CHCHD3: variants seen among roughly 807,000 people sequenced by gnomAD.
The protein encoded by CHCHD3 is coiled-coil-helix-coiled-coil-helix domain containing 3.
Under a neutral mutation model 38.2 loss-of-function variants are expected in CHCHD3, and 20 were observed. The ratio of observed to expected loss-of-function variants is 0.52; its 90% confidence interval spans 0.37 to 0.76. The LOEUF is 0.76. CHCHD3 is among the 30% of genes least tolerant of loss of function. The pLI is 0.00. For synonymous variants in CHCHD3, 82 were observed against 100.0 expected (o/e 0.82, Z 1.07); for missense variants, 245 against 279.2 (o/e 0.88, Z 0.87).
chr7:133,003,575 G>A lies in CHCHD3; in HGVS notation c.251+20971C>T, dbSNP rs151052253. Among the ~76,000 whole-genome samples the A allele has an allele frequency of 8.7e-3, 1,326 of 152,268 alleles. 19 individuals carry two copies. The highest frequency in any genetic ancestry group is 0.03 in the African/African-American group (1,258 of 41,550). On this transcript the variant is annotated intron_variant, in intron 3 of 7. Transcript: ENST00000262570. ...GTCCATCATATGTGACAGTGGAAAA[G>A]CACCATTTGGCTGTAAATACCAATT...
chr7:133,061,146 G>A (rs1814497942), intron 2 of CHCHD3, among the ~76,000 whole-genome samples: 1 of 152,084 alleles, frequency 6.6e-6, no homozygotes, highest in Middle Eastern at 3.2e-3. Context: ...GGAAGGCCGG[G>A]GTGGGGTGGA....
chr7:132,991,542 T>C (rs748745096), intron 3 of CHCHD3, among the ~76,000 whole-genome samples: 8 of 152,304 alleles, frequency 5.3e-5, no homozygotes, highest in Non-Finnish European at 1.0e-4. Context: ...TTCCTGGTTG[T>C]ATCAAGTTAC....
chr7:132,799,749 C>T (rs1405695959), intron 6 of CHCHD3, among the ~76,000 whole-genome samples: 1 of 152,110 alleles, frequency 6.6e-6, no homozygotes, highest in Non-Finnish European at 1.5e-5. Context: ...GAAAAAAAAT[C>T]CAGTTTTGTG....
chr7:133,047,062 C>G (rs1054888814), intron 2 of CHCHD3, among the ~76,000 whole-genome samples: 2 of 152,134 alleles, frequency 1.3e-5, no homozygotes, highest in Non-Finnish European at 2.9e-5. Flanking sequence ...TTTCTTCGTT[C>G]ACAAATGCTT....
intron 6 of CHCHD3, among the ~76,000 whole-genome samples, chr7:132,829,981 A>T (rs985622586): frequency 2.6e-5 from 4 of 152,136 alleles, no homozygotes; most frequent in Non-Finnish European, 4.4e-5. Flanking sequence ...TGGAGTAGAG[A>T]GATAATGCAG....
chr7:132,925,793 C>T (rs1015580639), intron 4 of CHCHD3, among the ~76,000 whole-genome samples: 18 of 152,142 alleles, frequency 1.2e-4, no homozygotes, highest in African/African-American at 4.1e-4. Flanking sequence ...AAACACAGAG[C>T]AACAACAAAC....
chr7:132,922,723 A>T (rs1417248672), intron 4 of CHCHD3, among the ~76,000 whole-genome samples: 1 of 152,146 alleles, frequency 6.6e-6, no homozygotes, highest in Non-Finnish European at 1.5e-5. Flanking sequence ...ATTTTTATAT[A>T]GTTTTATTCA....
chr7:132,974,800 G>A (rs6961513), intron 4 of CHCHD3, among the ~76,000 whole-genome samples: 2,295 of 152,028 alleles, frequency 0.015, 56 homozygotes, highest in African/African-American at 0.052. Context: ...CTTGAACCCC[G>A]GAGGCGGAGG....
At chr7:133,027,747 C>T (rs1038348603) in intron 2 of CHCHD3, among the ~76,000 whole-genome samples, 1 of 151,944 alleles carries the variant, frequency 6.6e-6, no homozygotes, top group Non-Finnish European at 1.5e-5. Flanking sequence ...CTTAGGAAAC[C>T]CCTAGAACAG....
intron 3 of CHCHD3, among the ~76,000 whole-genome samples, chr7:132,994,139 C>T (rs954684768): frequency 6.6e-6 from 1 of 152,138 alleles, no homozygotes; most frequent in African/African-American, 2.4e-5. Context: ...TCTAAAAAGA[C>T]ACCTTGAGGT....
intron 2 of CHCHD3, among the ~76,000 whole-genome samples, chr7:133,046,855 A>G (rs10238562): frequency 0.46 from 70,455 of 151,950 alleles, 17,242 homozygotes; most frequent in African/African-American, 0.62. Context: ...GAGCCACCGC[A>G]CCCGGCCATA....
At chr7:132,810,045 T>C (rs1334769167) in intron 6 of CHCHD3, among the ~76,000 whole-genome samples, 2 of 152,200 alleles carry the variant, frequency 1.3e-5, no homozygotes, top group Non-Finnish European at 2.9e-5. Flanking sequence ...GAAATGGATA[T>C]GTTTAAGGTA....
chr7:132,928,559 T>C (rs770176882), intron 4 of CHCHD3, among the ~76,000 whole-genome samples: 1 of 152,044 alleles, frequency 6.6e-6, no homozygotes, highest in Non-Finnish European at 1.5e-5. Context: ...TAGCCAGGCA[T>C]GGTGGTGCAT....
intron 7 of CHCHD3, among the ~76,000 whole-genome samples, chr7:132,793,093 T>C (rs1169245903): frequency 6.6e-6 from 1 of 152,186 alleles, no homozygotes; most frequent in East Asian, 1.9e-4. Flanking sequence ...TACTATTGGC[T>C]TCTCATTCCC....
At chr7:133,009,363 CAAAAAAAAAAA>C (rs71178076) in intron 3 of CHCHD3, among the ~76,000 whole-genome samples, 7 of 67,406 alleles carry the variant, frequency 1.0e-4, no homozygotes, top group Admixed American at 9.1e-4. Flanking sequence ...GACTCTGTCT[CAAAAAAAAAAA>C]AAAAAAAAAA....
chr7:132,838,056 T>C (rs1334176976), intron 6 of CHCHD3, among the ~76,000 whole-genome samples: 3 of 152,162 alleles, frequency 2.0e-5, no homozygotes, highest in Non-Finnish European at 2.9e-5. Flanking sequence ...AAGTGAATGG[T>C]TTCTATGTTT....
chr7:132,787,019 T>A (rs1333182577), intron 7 of CHCHD3, among the ~76,000 whole-genome samples: 1 of 152,068 alleles, frequency 6.6e-6, no homozygotes, highest in African/African-American at 2.4e-5. Flanking sequence ...CCAAGGACCT[T>A]CCACCATGGA....
intron 5 of CHCHD3, among the ~76,000 whole-genome samples, chr7:132,876,462 T>G (rs191395968): frequency 6.8e-4 from 103 of 152,348 alleles, no homozygotes; most frequent in South Asian, 1.2e-3. Context: ...TTACCTTGTC[T>G]TTACATATTC....
chr7:133,005,183 T>C (rs58229683), intron 3 of CHCHD3, among the ~76,000 whole-genome samples: 2,851 of 152,294 alleles, frequency 0.019, 102 homozygotes, highest in African/African-American at 0.064. Flanking sequence ...GGTCTTCTGA[T>C]TCCCAATTCT....
Sources: allele counts gnomAD v4.1 joint callset (sites outside exome capture counted in the v4.1 genomes callset), GRCh38; gene constraint gnomAD v4.1.1; transcripts MANE v1.5; gene names NCBI Gene and HGNC (gene_info 2026-07-23, HGNC 2026-07-21).